OGDHL: variants seen among roughly 807,000 people sequenced by gnomAD.
The protein encoded by OGDHL is 2-oxoglutarate dehydrogenase-like, mitochondrial.
In OGDHL, 79 loss-of-function variants were observed where a neutral mutation model predicts 109.6. The ratio of observed to expected loss-of-function variants is 0.72; its 90% confidence interval spans 0.60 to 0.87. The LOEUF is 0.87. Ranked by LOEUF, OGDHL falls within the 40% of genes least tolerant of loss-of-function variation. OGDHL has a pLI of 0.00. For missense variants in OGDHL, 1,275 were observed against 1,362.2 expected, an observed-to-expected ratio of 0.94 and a Z score of 1.01; for synonymous variants, 528 against 537.2, an observed-to-expected ratio of 0.98 and a Z score of 0.24.
intron 16 of OGDHL, 79 bp downstream of exon 16, chr10:49,740,631 G>A (rs1279428593): frequency 4.6e-5 from 70 of 1,524,298 alleles, no homozygotes; most frequent in Non-Finnish European, 5.9e-5. Flanking sequence ...CCCAGGCCCT[G>A]GCCCCGGTCC....
At chr10:49,740,679 C>T (rs1435421912) in intron 16 of OGDHL, 31 bp downstream of exon 16, 2 of 1,602,776 alleles carry the variant, frequency 1.2e-6, no homozygotes, top group Admixed American at 3.4e-5. Flanking sequence ...TGTCTGGGGC[C>T]TGCCTGGCCT....
chr10:49,746,811 T>C lies in OGDHL; in HGVS notation c.1235A>G (p.His412Arg), dbSNP rs200756093. The C allele has an allele frequency of 5.6e-6, 9 of 1,613,836 alleles. No individual in the cohort carries two copies. The highest frequency in any genetic ancestry group is 6.8e-6 in the Non-Finnish European group (8 of 1,179,938). ...CGTGTAGGAGGGCAGGTCGCTCAGG[T>C]GGAAGGTCTCATATACCACGCCCTG... Reference protein sequence around the residue: ...AGQGVVYETFHLSDLPSYTTN... With the variant: ...AGQGVVYETFRLSDLPSYTTN... The change falls in exon 10 of 23, where the codon CAC (histidine) becomes CGC (arginine). Residue 412 changes from histidine to arginine, a missense_variant. Physicochemically the swap from His to Arg is conservative, Grantham distance 29 (BLOSUM62 0). Coordinates refer to ENST00000374103, the MANE Select transcript of OGDHL (RefSeq NM_018245.3).
At chr10:49,750,810 C>T (rs375189065) in intron 7 of OGDHL, 29 bp downstream of exon 7, 26 of 1,584,100 alleles carry the variant, frequency 1.6e-5, no homozygotes, top group African/African-American at 2.7e-5. Context: ...GAGGAGAATG[C>T]GCAAGGCACA....
chr10:49,746,467 C>G (rs1330909383), intron 10 of OGDHL, among the ~76,000 whole-genome samples: 1 of 152,218 alleles, frequency 6.6e-6, no homozygotes, highest in Non-Finnish European at 1.5e-5. Context: ...CACCAAGGTC[C>G]CTGTGTCTAA....
At chr10:49,740,602 C>A (rs1413409731) in intron 16 of OGDHL, 108 bp downstream of exon 16, 2 of 1,369,674 alleles carry the variant, frequency 1.5e-6, no homozygotes, top group East Asian at 2.5e-5. Context: ...CTAAGGGCCT[C>A]TGAGCATCTC....
At chr10:49,737,256 C>A (rs544275026) in intron 20 of OGDHL, among the ~76,000 whole-genome samples, 2 of 152,232 alleles carry the variant, frequency 1.3e-5, no homozygotes, top group African/African-American at 4.8e-5. Flanking sequence ...ATGCTGAGGC[C>A]CTTCCCAGCC....
chr10:49,741,374 T>C (rs1841640637), intron 15 of OGDHL, among the ~76,000 whole-genome samples: 1 of 151,934 alleles, frequency 6.6e-6, no homozygotes, highest in Non-Finnish European at 1.5e-5. Context: ...TAGCTCTGGG[T>C]GCATCAGAGG....
At position 49,752,133 on chromosome 10, in the gene OGDHL, C is replaced by T. The variant is rs769524798; in HGVS notation, c.594G>A (p.Glu198=). 21 of 1,613,462 alleles carry T rather than the reference C, an allele frequency of 1.3e-5. No homozygotes were observed. Among genetic ancestry groups the T allele is most frequent in the Non-Finnish European group, 1.6e-5 (19 of 1,179,422 alleles). Residue 198 remains glutamate, a splice_region_variant and synonymous_variant, in exon 5 of 23, where the codon GAG becomes GAA. Coordinates refer to ENST00000374103, the MANE Select transcript of OGDHL (RefSeq NM_018245.3). ...LSLREIIRRL[E]NTYCQHIGLE... ...ACCCCACACACCCGCCTGTGCTCAC[C>T]TCCAGGCGCCGAATGATCTCCCGCA...
intron 3 of OGDHL, among the ~76,000 whole-genome samples, chr10:49,755,577 T>C (rs1434908243): frequency 1.3e-5 from 2 of 152,124 alleles, no homozygotes; most frequent in African/African-American, 4.8e-5. Flanking sequence ...TTCAGCACAG[T>C]GTGCAGGTGA....
chr10:49,752,618 G>A lies in OGDHL; in HGVS notation c.478+20C>T, dbSNP rs189671975. The A allele has an allele frequency of 3.3e-4, 525 of 1,604,772 alleles. 1 individual carries two copies. In the African/African-American group the frequency reaches 4.3e-3, roughly 13 times the overall value. ...CCACCCACACAGCACTGCCATGGCC[G>A]TCCTGAGGAAGGGTCTTACCCAGTT... On this transcript the variant is annotated intron_variant, in intron 4 of 22. Transcript: ENST00000374103.
In OGDHL at chr10:49,738,233, T is replaced by C. The variant is rs769347789; in HGVS notation, c.2349A>G (p.Glu783=). 6 of 1,613,460 alleles carry C rather than the reference T, an allele frequency of 3.7e-6. No individual in the cohort carries two copies. The African/African-American group carries it at 8.0e-5, about 22-fold the overall frequency. ...CATCATTGCTCATCTGCAGGAACCT[T>C]TCGGGCCTCGCTGACGAGTGCTCTG... The part of the protein sequence containing the change: ...MGPEHSSARP[E]RFLQMSNDDS... Residue 783 remains glutamate, a synonymous_variant, in exon 18 of 23, where the codon GAA becomes GAG. Coordinates refer to ENST00000374103, the MANE Select transcript of OGDHL (RefSeq NM_018245.3).
At chr10:49,752,838 C>T (rs1157971070) in intron 3 of OGDHL, 98 bp from the exon 4 acceptor site, 9 of 837,680 alleles carry the variant, frequency 1.1e-5, no homozygotes, top group Middle Eastern at 5.6e-4. Flanking sequence ...TTCCCATTCC[C>T]GAATGTTAAG....
intron 22 of OGDHL, among the ~76,000 whole-genome samples, chr10:49,735,578 A>G (rs778508789): frequency 6.6e-6 from 1 of 152,210 alleles, no homozygotes; most frequent in East Asian, 1.9e-4. Context: ...ATGTCACTGC[A>G]CTTGCCCATG....
chr10:49,761,614 G>A (rs978767139), intron 1 of OGDHL, among the ~76,000 whole-genome samples: 2 of 152,312 alleles, frequency 1.3e-5, no homozygotes, highest in South Asian at 2.1e-4. Flanking sequence ...CCAGGTGGCC[G>A]AGGGGCGTCA....
chr10:49,735,755 C>T (rs534993983), intron 22 of OGDHL, among the ~76,000 whole-genome samples: 35 of 152,344 alleles, frequency 2.3e-4, no homozygotes, highest in Admixed American at 8.5e-4. Flanking sequence ...ATCTTATCAC[C>T]GCCCTTTGTA....
chr10:49,739,442 A>G, intron 17 of OGDHL: 1 of 515,072 alleles, frequency 1.9e-6, no homozygotes, highest in Non-Finnish European at 3.4e-6. Context: ...GCGCACAGCA[A>G]GCACTCATAC....
intron 3 of OGDHL, chr10:49,756,514 C>T (rs541426564): frequency 4.2e-5 from 14 of 332,856 alleles, no homozygotes; most frequent in South Asian, 3.8e-4. Flanking sequence ...TGCTCCTCCA[C>T]GTACTCGGGG....
chr10:49,739,920 A>G (rs1841520814), intron 16 of OGDHL, 81 bp from the exon 17 acceptor site: 14 of 1,390,162 alleles, frequency 1.0e-5, no homozygotes, highest in African/African-American at 1.4e-5. Flanking sequence ...CTTTCTCAGT[A>G]TATCCTCCAT....
chr10:49,760,318 C>A (rs926291109), intron 1 of OGDHL, among the ~76,000 whole-genome samples: 2 of 152,188 alleles, frequency 1.3e-5, no homozygotes, highest in African/African-American at 4.8e-5. Flanking sequence ...CCCTAGAGCG[C>A]GGGGCACTTG....
Sources: gnomAD v4.1 joint callset for allele counts (sites outside exome capture counted in the v4.1 genomes callset) on GRCh38, gnomAD v4.1.1 for gene constraint, MANE v1.5 for transcripts, NCBI Gene and HGNC (gene_info 2026-07-23, HGNC 2026-07-21) for gene names.